C1orf50: variants seen among roughly 807,000 people sequenced by gnomAD.
C1orf50 encodes the protein chromosome 1 open reading frame 50, also known as uncharacterized protein C1orf50.
In C1orf50, 22 loss-of-function variants were observed where a neutral mutation model predicts 23.3. The ratio of observed to expected loss-of-function variants is 0.94; its 90% CI spans 0.67 to 1.35. The LOEUF is 1.35. Ranked by LOEUF, C1orf50 falls within the 40% of genes most tolerant of loss-of-function variation. The pLI is 0.00. For synonymous variants in C1orf50, 96 were observed against 102.4 expected, an observed-to-expected ratio of 0.94 and a Z score of 0.38; for missense variants, 271 against 249.4, an observed-to-expected ratio of 1.09 and a Z score of -0.58.
chr1:42,768,632 T>G (rs1653144763), intron 2 of C1orf50, among the ~76,000 whole-genome samples: 1 of 152,226 alleles, frequency 6.6e-6, no homozygotes, highest in Non-Finnish European at 1.5e-5. Context: ...GGCTTTCTTC[T>G]TTTTGAAGAG....
At chr1:42,768,372 C>G (rs537901388) in intron 2 of C1orf50, among the ~76,000 whole-genome samples, 8 of 152,338 alleles carry the variant, frequency 5.3e-5, no homozygotes, top group Admixed American at 2.6e-4. Context: ...CAGTTGTACA[C>G]CCTCTTCAGT....
intron 2 of C1orf50, among the ~76,000 whole-genome samples, chr1:42,768,337 C>T (rs1027936803): frequency 6.6e-6 from 1 of 152,212 alleles, no homozygotes. Context: ...AAACCAGATT[C>T]CTTCTTATCT....
intron 2 of C1orf50, among the ~76,000 whole-genome samples, chr1:42,771,354 A>T (rs939242268): frequency 7.2e-5 from 11 of 152,218 alleles, no homozygotes; most frequent in African/African-American, 1.2e-4. Context: ...ATTTGAATTT[A>T]AAAAACCTGA....
intron 1 of C1orf50, 24 bp downstream of exon 1, chr1:42,767,414 G>C (rs1653092804): frequency 3.2e-6 from 5 of 1,555,504 alleles, no homozygotes; most frequent in Non-Finnish European, 4.3e-6. Context: ...GAGTCAGCAG[G>C]GGGAAGTCAG....
chr1:42,767,564 C>G lies in C1orf50; in HGVS notation c.135C>G (p.Tyr45Ter), dbSNP rs996057033. Residue 45 changes from tyrosine to a stop codon, truncating the protein, a stop_gained, in exon 2 of 5, where the codon TAC becomes TAG. Transcript: ENST00000372525. LOFTEE classifies it high-confidence loss of function. Reference protein sequence around the residue: ...TPGGLALVSPYHTHRAGDPLD... With the variant: ...TPGGLALVSP ...GCGGCCTGGCCCTGGTGAGCCCCTA[C>G]CACACCCACCGGGCCGGGGACCCCT... 6.2e-7 allele frequency: 1 copy of G among 1,610,828 alleles called. No homozygotes were observed. The highest frequency in any genetic ancestry group is 1.3e-5 in the African/African-American group (1 of 75,030).
rs1653382923 is a variant in C1orf50, at chr1:42,778,503, T to C, written c.*3109T>C. 6.6e-6 allele frequency: 1 copy of C among 152,154 alleles called. No individual in the cohort carries two copies. Among genetic ancestry groups the C allele is most frequent in the South Asian group, 2.1e-4 (1 of 4,822 alleles). The allele number at this position is 152,154 out of a possible 1,614,324, so 9.4% of individuals were successfully genotyped here. ...TCTGGAGGCTCCAATTGCCCTTTCATAGGAAGTTTGTCTTTTGGGGGTTGG... is the reference window on the plus strand; with the variant it reads ...TCTGGAGGCTCCAATTGCCCTTTCACAGGAAGTTTGTCTTTTGGGGGTTGG... On this transcript the variant is annotated 3_prime_UTR_variant, in exon 5 of 5. Coordinates refer to ENST00000372525, the MANE Select transcript of C1orf50 (RefSeq NM_024097.4).
In C1orf50 at chr1:42,767,594, C is replaced by T. The variant is rs1240849713; in HGVS notation, c.165C>T (p.Asp55=). 4 of 1,611,992 alleles carry T rather than the reference C, an allele frequency of 2.5e-6. No individual in the cohort carries two copies. Among genetic ancestry groups the T allele is most frequent in the South Asian group, 1.1e-5 (1 of 90,802 alleles). Residue 55 remains aspartate, a synonymous_variant, in exon 2 of 5, where the codon GAC becomes GAT. Transcript: ENST00000372525. ...CCCACCGGGCCGGGGACCCCTTAGA[C>T]CTCGTGGCGCTCGCAGAGCAGGTGC... ...YHTHRAGDPL[D]LVALAEQVQK...
chr1:42,767,708 C>A, intron 2 of C1orf50, 84 bp downstream of exon 2: 1 of 1,231,908 alleles, frequency 8.1e-7, no homozygotes, highest in Non-Finnish European at 1.2e-6. Context: ...TCACTACCAC[C>A]TATGGTGGGG....
At chr1:42,772,385 G>C (rs1653241510) in intron 2 of C1orf50, among the ~76,000 whole-genome samples, 1 of 152,132 alleles carries the variant, frequency 6.6e-6, no homozygotes, top group Non-Finnish European at 1.5e-5. Context: ...TAAAAGTAAG[G>C]TGGAAGTTTT....
chr1:42,774,658 A>T, intron 3 of C1orf50, 79 bp from the exon 4 acceptor site: 1 of 1,502,222 alleles, frequency 6.7e-7, no homozygotes. Flanking sequence ...ATGGTTTCCA[A>T]ATTTTAATTG....
chr1:42,773,507 C>A, intron 2 of C1orf50, 56 bp from the exon 3 acceptor site: 1 of 1,054,802 alleles, frequency 9.5e-7, no homozygotes, highest in Non-Finnish European at 1.4e-6. Flanking sequence ...AAGATAAGAA[C>A]ATCATAGAAG....
chr1:42,767,751 G>C, intron 2 of C1orf50, 127 bp downstream of exon 2: 1 of 816,512 alleles, frequency 1.2e-6, no homozygotes, highest in Non-Finnish European at 1.9e-6. Context: ...TTTTACAGAC[G>C]AGTAAAGCCG....
Position 42,775,644 on chromosome 1 carries a change from AGT to A in C1orf50, c.*253_*254del. The A allele has an allele frequency of 2.9e-6, 1 of 349,814 alleles. No individual in the cohort carries two copies. The allele number at this position is 349,814 out of a possible 1,614,324, so 21.7% of individuals were successfully genotyped here. The stretch of plus-strand genomic sequence containing the variant: ...GTCAGTCAGTTTCAGAGTATTGGCC[AGT>A]GTACTTTCCTTCTTCCTCTCCATCA... On this transcript the variant is annotated 3_prime_UTR_variant, in exon 5 of 5. Coordinates refer to ENST00000372525, the MANE Select transcript of C1orf50 (RefSeq NM_024097.4).
chr1:42,777,645 C>T lies in C1orf50; in HGVS notation c.*2251C>T, dbSNP rs1487332188. 1 of 152,152 alleles carries T rather than the reference C, an allele frequency of 6.6e-6. No individual in the cohort carries two copies. The highest frequency in any genetic ancestry group is 6.5e-5 in the Admixed American group (1 of 15,272). 9.4% of individuals were successfully genotyped at this position (152,152 alleles called of 1,614,324 possible). On this transcript the variant is annotated 3_prime_UTR_variant, in exon 5 of 5. Coordinates refer to ENST00000372525, the MANE Select transcript of C1orf50 (RefSeq NM_024097.4). ...GCAAGTCACTAGGCTAGCCCATATT[C>T]AAGGGAGGGAGTTATACAAAGGCAT... is the stretch of plus-strand genomic sequence containing the variant.
Position 42,776,071 on chromosome 1 carries a change from T to C in C1orf50, c.*677T>C, listed in dbSNP as rs1653335078. The C allele has an allele frequency of 6.6e-6, 1 of 152,112 alleles. No individual in the cohort carries two copies. Among genetic ancestry groups the C allele is most frequent in the Admixed American group, 6.6e-5 (1 of 15,248 alleles). 9.4% of individuals were successfully genotyped at this position (152,112 alleles called of 1,614,324 possible). A position where few individuals can be genotyped will look rare whatever the true frequency, so the allele number is the denominator to read the frequency against. On this transcript the variant is annotated 3_prime_UTR_variant, in exon 5 of 5. Transcript: ENST00000372525. Reference sequence around the variant, plus strand: ...GTTTGGGGAGAGTCAACTTTGAAACTCACAAATTTTAGACTTGGAAGAGAC... The same window carrying C: ...GTTTGGGGAGAGTCAACTTTGAAACCCACAAATTTTAGACTTGGAAGAGAC...
chr1:42,774,589 A>T, intron 3 of C1orf50, 148 bp from the exon 4 acceptor site: 1 of 878,958 alleles, frequency 1.1e-6, no homozygotes, highest in Non-Finnish European at 1.7e-6. Flanking sequence ...GTTTCTTCAG[A>T]ATAATCTGGA....
rs1179511695 is a variant in C1orf50, at chr1:42,778,116, G to A, written c.*2722G>A. On this transcript the variant is annotated 3_prime_UTR_variant, in exon 5 of 5. Transcript: ENST00000372525. ...TGGGAAGGGCTAGTGGCAATGTGAG[G>A]TGATTTGGGGCACCTCAGAATGGGA... The A allele has an allele frequency of 6.6e-6, 1 of 152,042 alleles. No homozygotes were observed. The highest frequency in any genetic ancestry group is 1.5e-5 in the Non-Finnish European group (1 of 68,022). 9.4% of individuals were successfully genotyped at this position (152,042 alleles called of 1,614,324 possible). A position where few individuals can be genotyped will look rare whatever the true frequency, so the allele number is the denominator to read the frequency against.
At chr1:42,773,518 T>A (rs1653267373) in intron 2 of C1orf50, 45 bp from the exon 3 acceptor site, 1 of 1,138,052 alleles carries the variant, frequency 8.8e-7, no homozygotes. Flanking sequence ...ATCATAGAAG[T>A]CTTTTCCTCT....
intron 2 of C1orf50, 61 bp from the exon 3 acceptor site, chr1:42,773,502 A>G: frequency 1.9e-6 from 2 of 1,032,328 alleles, no homozygotes; most frequent in East Asian, 5.0e-5. Flanking sequence ...GGATCAAGAT[A>G]AGAACATCAT....
Sources: gnomAD v4.1 joint callset for allele counts (sites outside exome capture counted in the v4.1 genomes callset) on GRCh38, gnomAD v4.1.1 for gene constraint, MANE v1.5 for transcripts, NCBI Gene and HGNC (gene_info 2026-07-23, HGNC 2026-07-21) for gene names.